The following DIXDC1 variants were observed in gnomAD, a reference collection of about 807,000 sequenced individuals.
DIXDC1 encodes DIX domain containing 1.
DIXDC1 carries 64 observed loss-of-function variants against 103.1 expected under a neutral mutation model. The ratio of observed to expected loss-of-function variants is 0.62; its 90% confidence interval spans 0.51 to 0.76. DIXDC1 has a LOEUF of 0.76. DIXDC1 is among the 30% of genes least tolerant of loss of function. The pLI is 0.00. For missense variants in DIXDC1, 759 were observed against 834.2 expected, an observed-to-expected ratio of 0.91 and a Z score of 1.11; for synonymous variants, 266 against 298.5, an observed-to-expected ratio of 0.89 and a Z score of 1.12.
At chr11:111,983,123 G>A (rs1392805569) in intron 7 of DIXDC1, among the ~76,000 whole-genome samples, 1 of 152,200 alleles carries the variant, frequency 6.6e-6, no homozygotes, top group Non-Finnish European at 1.5e-5. Context: ...TTGTGTGTCT[G>A]TCTCTGTTTG....
intron 9 of DIXDC1, 25 bp downstream of exon 9, chr11:111,986,949 C>T: frequency 6.4e-7 from 1 of 1,558,872 alleles, no homozygotes; most frequent in Non-Finnish European, 8.7e-7. Context: ...GTACATTTTA[C>T]CCCTTAAAAA....
At position 111,976,789 on chromosome 11, in the gene DIXDC1, C is replaced by T. The variant is rs1452837641; in HGVS notation, c.656+1806C>T. ...CCCTGCCAGCCTGTTGCTCCGAAAA[C>T]CGCATACCAGCCTCACATTGTAGCC... On this transcript the variant is annotated intron_variant, in intron 5 of 19. Transcript: ENST00000440460. This position sits in a 1 kb window ranked among gnomAD's most constrained non-coding sequence, Gnocchi z 4.3. 3.3e-5 allele frequency: 5 copies of T among 152,538 alleles called. No homozygotes were observed. The highest frequency in any genetic ancestry group is 1.9e-4 in the East Asian group (1 of 5,196). The allele number at this position is 152,538 out of a possible 1,614,324, so 9.4% of individuals were successfully genotyped here. A position where few individuals can be genotyped will look rare whatever the true frequency, so the allele number is the denominator to read the frequency against.
intron 5 of DIXDC1, among the ~76,000 whole-genome samples, chr11:111,978,151 A>G (rs1278734046): frequency 1.3e-5 from 2 of 152,172 alleles, no homozygotes; most frequent in Non-Finnish European, 2.9e-5. Context: ...TAGAAGAGCT[A>G]TTAGACCTGT....
rs587741261 is a variant in DIXDC1, at chr11:111,992,931, A to G, written c.1219-20A>G. On this transcript the variant is annotated intron_variant, in intron 11 of 19. Coordinates refer to ENST00000440460, the MANE Select transcript of DIXDC1 (RefSeq NM_001037954.4). ...AGCAGGCAGTACCTGCGTGCCATGA[A>G]TTCTTTCTTATTCTTGCAGGTGGAT... is the stretch of plus-strand genomic sequence containing the variant. The G allele has an allele frequency of 6.2e-7, 1 of 1,600,390 alleles. No homozygotes were observed. The highest frequency in any genetic ancestry group is 8.5e-7 in the Non-Finnish European group (1 of 1,173,426).
intron 2 of DIXDC1, among the ~76,000 whole-genome samples, chr11:111,966,975 GCCCTT>G (rs113883514): frequency 0.013 from 1,971 of 152,202 alleles, 39 homozygotes; most frequent in African/African-American, 0.045. Flanking sequence ...AGTTGATAAC[GCCCTT>G]CTCTTCAAAC....
chr11:112,004,026 T>A (rs200407918), intron 17 of DIXDC1, among the ~76,000 whole-genome samples: 18 of 128,520 alleles, frequency 1.4e-4, no homozygotes, highest in Admixed American at 3.2e-4. Context: ...AAAAAAAAAA[T>A]TATATATATA....
chr11:111,967,291 C>T (rs1555171664), intron 2 of DIXDC1, among the ~76,000 whole-genome samples: 1 of 152,216 alleles, frequency 6.6e-6, no homozygotes, highest in Non-Finnish European at 1.5e-5. Context: ...TTCCCCCTAC[C>T]AATCCCTTTA....
Position 111,953,507 on chromosome 11 carries a change from A to T in DIXDC1, c.61-11042A>T, listed in dbSNP as rs587713887. Among the ~76,000 whole-genome samples, 17 of 152,084 alleles carry T rather than the reference A, an allele frequency of 1.1e-4. No individual in the cohort carries two copies. In the South Asian group the frequency reaches 3.5e-3, roughly 32 times the overall value. On this transcript the variant is annotated intron_variant, in intron 1 of 19. Coordinates refer to ENST00000440460, the MANE Select transcript of DIXDC1 (RefSeq NM_001037954.4). ...TAAAAAATTAGCCAGGCATGGTGGC[A>T]CGTGCCTGTAATCCCAGCTACTCAG...
At chr11:111,975,120 T>C in intron 5 of DIXDC1, 137 bp downstream of exon 5, 1 of 1,468,626 alleles carries the variant, frequency 6.8e-7, no homozygotes, top group Non-Finnish European at 9.0e-7. Context: ...GGATACCCCT[T>C]AGCAGTGCTT....
intron 3 of DIXDC1, among the ~76,000 whole-genome samples, chr11:111,971,375 C>A (rs1859919278): frequency 6.6e-6 from 1 of 152,180 alleles, no homozygotes; most frequent in Non-Finnish European, 1.5e-5. Context: ...CAACACTAAT[C>A]AGATAAATGC....
chr11:111,936,431 C>G (rs1312354947), upstream of DIXDC1, among the ~76,000 whole-genome samples: 42 of 152,164 alleles, frequency 2.8e-4, no homozygotes, highest in Admixed American at 2.7e-3. Flanking sequence ...TGCACCAGGA[C>G]ATTTTTGCAG....
At chr11:111,943,110 A>G (rs1966470502) in intron 1 of DIXDC1, among the ~76,000 whole-genome samples, 1 of 152,108 alleles carries the variant, frequency 6.6e-6, no homozygotes, top group Non-Finnish European at 1.5e-5. Context: ...AGTGTTGGAC[A>G]ATTTATTTAT....
chr11:111,957,427 A>G (rs1292458222), intron 1 of DIXDC1, among the ~76,000 whole-genome samples: 1 of 152,232 alleles, frequency 6.6e-6, no homozygotes, highest in Non-Finnish European at 1.5e-5. Context: ...TACAAAGGGA[A>G]AAAGAGCAAC....
chr11:112,004,125 T>C (rs1243706470), intron 17 of DIXDC1, among the ~76,000 whole-genome samples: 1 of 150,562 alleles, frequency 6.6e-6, no homozygotes, highest in Admixed American at 6.6e-5. Flanking sequence ...TATATATATA[T>C]GTGTGTGTAT....
chr11:111,995,054 T>C lies in DIXDC1; in HGVS notation c.1473T>C (p.Asn491=), dbSNP rs587760034. 2.2e-4 allele frequency: 354 copies of C among 1,613,786 alleles called. 2 individuals carry two copies. The South Asian group carries it at 3.3e-3, about 15-fold the overall frequency. The stretch of plus-strand genomic sequence containing the variant: ...ACAACAGTCACAACTCTCAAAGCAA[T>C]GGTTTTCTCCTTCCAACGGCAGGAA... The part of the protein sequence containing the change: ...TNYNSHNSQS[N]GFLLPTAGKG... The change falls in exon 15 of 20, where the codon AAT becomes AAC. Residue 491 remains asparagine, a synonymous_variant. Coordinates refer to ENST00000440460, the MANE Select transcript of DIXDC1 (RefSeq NM_001037954.4).
chr11:112,016,681 C>T lies in DIXDC1; in HGVS notation c.1757-10C>T. The T allele has an allele frequency of 6.3e-7, 1 of 1,585,032 alleles. No individual in the cohort carries two copies. The highest frequency in any genetic ancestry group is 8.6e-7 in the Non-Finnish European group (1 of 1,166,260). On this transcript the variant is annotated splice_polypyrimidine_tract_variant and intron_variant, in intron 17 of 19. Transcript: ENST00000440460. ...TGAATGTTCTAACCACAGTCTCTTTCTGATTGTAGAGTTGCCTCACTCACA... is the reference window on the plus strand; with the variant it reads ...TGAATGTTCTAACCACAGTCTCTTTTTGATTGTAGAGTTGCCTCACTCACA...
intron 2 of DIXDC1, among the ~76,000 whole-genome samples, 184 bp from the exon 3 acceptor site, chr11:111,968,329 C>T (rs782320629): frequency 2.6e-5 from 4 of 152,168 alleles, no homozygotes; most frequent in Non-Finnish European, 5.9e-5. Context: ...ATTTGAAAGC[C>T]TTCCAAAAGG....
chr11:111,975,196 G>T, intron 5 of DIXDC1: 1 of 1,359,710 alleles, frequency 7.4e-7, no homozygotes, highest in Admixed American at 2.9e-5. Context: ...CCCACAAATG[G>T]AATCTGTGCA....
intron 2 of DIXDC1, among the ~76,000 whole-genome samples, chr11:111,931,843 A>G (rs1450095820): frequency 6.6e-6 from 1 of 152,140 alleles, no homozygotes; most frequent in Admixed American, 6.6e-5. Flanking sequence ...TCTTGCAGAA[A>G]GATGATTTGA....
Sources: gnomAD v4.1 joint callset for allele counts (sites outside exome capture counted in the v4.1 genomes callset) on GRCh38, gnomAD v4.1.1 for gene constraint, Gnocchi (gnomAD v3.1) non-coding constraint, MANE v1.5 for transcripts, NCBI Gene and HGNC (gene_info 2026-07-23, HGNC 2026-07-21) for gene names.